The following ZNF700 variants were observed in gnomAD, a reference collection of about 807,000 sequenced individuals.
ZNF700 encodes zinc finger protein 700.
A neutral mutation model predicts 65.3 loss-of-function variants in ZNF700; 38 were observed. The observed-to-expected ratio is 0.58, with a 90% CI of 0.45 to 0.76. The LOEUF (loss-of-function observed/expected upper bound fraction) is 0.76, where lower values mean the gene tolerates loss of function less well. Among genes scored for constraint, ZNF700 ranks in the 30% least tolerant of loss-of-function variants. ZNF700 has a pLI of 0.00. For missense variants in ZNF700, 857 were observed against 888.4 expected (o/e 0.96, Z 0.45); for synonymous variants, 285 against 290.4 (o/e 0.98, Z 0.19).
At chr19:11,934,801 C>T (rs1972764791) in intron 1 of ZNF700, among the ~76,000 whole-genome samples, 1 of 148,082 alleles carries the variant, frequency 6.8e-6, no homozygotes, top group Non-Finnish European at 1.5e-5. Flanking sequence ...TGCTGGATTA[C>T]AGGCGTGAGC....
At chr19:11,947,493 T>A in intron 2 of ZNF700, 21 bp from the exon 3 acceptor site, 2 of 1,611,492 alleles carry the variant, frequency 1.2e-6, no homozygotes, top group Non-Finnish European at 1.7e-6. Flanking sequence ...TCAGGACTAT[T>A]TTTCTGTGTC....
At chr19:11,934,970 G>GGAA (rs1972768418) in intron 1 of ZNF700, among the ~76,000 whole-genome samples, 1 of 146,948 alleles carries the variant, frequency 6.8e-6, no homozygotes. Context: ...CAGGAGGTCA[G>GGAA]ATCAAGACCA....
At chr19:11,931,011 A>AC (rs1328914553) in intron 1 of ZNF700, among the ~76,000 whole-genome samples, 1 of 147,718 alleles carries the variant, frequency 6.8e-6, no homozygotes, top group Non-Finnish European at 1.5e-5. Flanking sequence ...AAAAAAAAAA[A>AC]AACAACATAG....
chr19:11,935,215 T>C (rs1427756593), intron 1 of ZNF700, among the ~76,000 whole-genome samples: 1 of 142,244 alleles, frequency 7.0e-6, no homozygotes, highest in Non-Finnish European at 1.5e-5. Flanking sequence ...TGTGGGGAGG[T>C]ATACTTGGAA....
chr19:11,949,832 GT>G lies in ZNF700; in HGVS notation c.1809del (p.Cys603TrpfsTer218). On this transcript the variant is annotated frameshift_variant, in exon 4 of 4. Transcript: ENST00000254321. LOFTEE classifies it high-confidence loss of function. ...AAGCAATGTGGGAAAGCCTTCAGTTGTGCCTCAAACCTTCGAAAGCATGGTA... is the reference window on the plus strand; with the variant it reads ...AAGCAATGTGGGAAAGCCTTCAGTTGGCCTCAAACCTTCGAAAGCATGGTA... ...ECKQCGKAFS[C>X]ASNLRKHGRT... The G allele has an allele frequency of 6.2e-7, 1 of 1,605,450 alleles. No individual in the cohort carries two copies. The highest frequency in any genetic ancestry group is 1.1e-5 in the South Asian group (1 of 90,676).
At chr19:11,946,251 G>A (rs151086513) in intron 1 of ZNF700, among the ~76,000 whole-genome samples, 13 of 152,170 alleles carry the variant, frequency 8.5e-5, no homozygotes, top group South Asian at 2.1e-4. Context: ...GGTTTCTCCC[G>A]CAGCTTCACA....
intron 1 of ZNF700, among the ~76,000 whole-genome samples, chr19:11,940,672 C>T (rs969947686): frequency 3.3e-5 from 5 of 152,102 alleles, no homozygotes; most frequent in Admixed American, 3.3e-4. Flanking sequence ...TGGAAGGGGA[C>T]CCGAGTGGGT....
intron 3 of ZNF700, 143 bp downstream of exon 3, chr19:11,947,717 T>A (rs1376422907): frequency 1.3e-5 from 11 of 863,540 alleles, no homozygotes; most frequent in Non-Finnish European, 2.0e-5. Context: ...AACATATATT[T>A]AAACGTGACT....
intron 1 of ZNF700, among the ~76,000 whole-genome samples, chr19:11,938,880 A>C (rs928812861): frequency 2.0e-5 from 3 of 152,144 alleles, no homozygotes; most frequent in African/African-American, 7.2e-5. Flanking sequence ...CATCCTCTCC[A>C]GCACCTGTTG....
chr19:11,945,868 T>C (rs1972951219), intron 1 of ZNF700, among the ~76,000 whole-genome samples: 1 of 152,162 alleles, frequency 6.6e-6, no homozygotes, highest in Non-Finnish European at 1.5e-5. Flanking sequence ...GTACAAGAAC[T>C]GGTGGATTAC....
Position 11,949,287 on chromosome 19 carries a change from G to A in ZNF700, c.1263G>A (p.Lys421=), listed in dbSNP as rs757464394. The change falls in exon 4 of 4, where the codon AAG becomes AAA. Residue 421 remains lysine (K), a synonymous_variant. Coordinates refer to ENST00000254321, the MANE Select transcript of ZNF700 (RefSeq NM_144566.3). The stretch of plus-strand genomic sequence containing the variant: ...CTGGAGAGAAACCCTATGAGTGTAA[G>A]CAGTGTGGGAAAGCCTTCAGATCTG... ...IHTGEKPYEC[K]QCGKAFRSAS... The A allele has an allele frequency of 4.3e-6, 7 of 1,613,784 alleles. No individual in the cohort carries two copies. Among genetic ancestry groups the A allele is most frequent in the Middle Eastern group, 1.7e-4 (1 of 6,058 alleles).
At chr19:11,925,380 T>G in intron 1 of ZNF700, 107 bp downstream of exon 1, 1 of 1,527,680 alleles carries the variant, frequency 6.5e-7, no homozygotes, top group Non-Finnish European at 8.9e-7. Context: ...CTCCGGGGTC[T>G]GGGACCGAGT....
chr19:11,949,254 G>C lies in ZNF700; in HGVS notation c.1230G>C (p.Arg410Ser), dbSNP rs923813493. 1 of 1,613,902 alleles carries C rather than the reference G, an allele frequency of 6.2e-7. No homozygotes were observed. Among genetic ancestry groups the C allele is most frequent in the Non-Finnish European group, 8.5e-7 (1 of 1,179,974 alleles). Residue 410 changes from arginine (R) to serine (S), a missense_variant, in exon 4 of 4, where the codon AGG becomes AGC. Physicochemically the swap from Arg to Ser is moderately radical, Grantham distance 110. Coordinates refer to ENST00000254321, the MANE Select transcript of ZNF700 (RefSeq NM_144566.3). ...CCAGTTCCTTTCGATATCATGAAAG[G>C]ATTCACACTGGAGAGAAACCCTATG... ...NLSSSFRYHE[R>S]IHTGEKPYEC... is the part of the protein sequence containing the mutation.
Position 11,925,255 on chromosome 19 carries a change from A to C in ZNF700, c.45A>C (p.Thr15=), listed in dbSNP as rs1052800815. 1 of 1,612,724 alleles carries C rather than the reference A, an allele frequency of 6.2e-7. No individual in the cohort carries two copies. The highest frequency in any genetic ancestry group is 1.3e-5 in the African/African-American group (1 of 75,002). ...SHRSCREDPG[T]SESREMDPVA... is the part of the protein sequence containing the mutation. The stretch of plus-strand genomic sequence containing the variant: ...GGAGCTGTAGAGAGGACCCCGGTAC[A>C]TCTGAAAGCCGGGAAATGGTGCGTG... Residue 15 remains threonine (T), a synonymous_variant, in exon 1 of 4, where the codon ACA becomes ACC. Transcript: ENST00000254321.
intron 1 of ZNF700, among the ~76,000 whole-genome samples, chr19:11,935,569 A>G (rs892584768): frequency 3.3e-5 from 5 of 151,908 alleles, no homozygotes; most frequent in African/African-American, 1.2e-4. Flanking sequence ...TTTTTCTTAT[A>G]GAATTTTAGG....
chr19:11,943,609 G>T (rs576740185), intron 1 of ZNF700, among the ~76,000 whole-genome samples: 1 of 152,104 alleles, frequency 6.6e-6, no homozygotes, highest in Non-Finnish European at 1.5e-5. Context: ...ACATCAGGTC[G>T]GGCATTTCCT....
chr19:11,925,799 T>G (rs879479007), intron 1 of ZNF700, among the ~76,000 whole-genome samples: 11 of 152,198 alleles, frequency 7.2e-5, no homozygotes, highest in African/African-American at 1.2e-4. Context: ...ATAAAGAAGT[T>G]TATTCAGAGC....
chr19:11,949,684 C>T lies in ZNF700; in HGVS notation c.1660C>T (p.His554Tyr). 1.2e-6 allele frequency: 2 copies of T among 1,613,962 alleles called. No individual in the cohort carries two copies. Among genetic ancestry groups the T allele is most frequent in the Non-Finnish European group, 1.7e-6 (2 of 1,180,012 alleles). Residue 554 changes from histidine to tyrosine, a missense_variant, in exon 4 of 4, where the codon CAT becomes TAT. Transcript: ENST00000254321. ...CAGATGTTGCAATTCCCTTCGATAT[C>T]ATGAAAGGACTCACACTGGAGAGAA... ...AFRCCNSLRY[H>Y]ERTHTGEKPY...
At chr19:11,932,077 C>T (rs1972722058) in intron 1 of ZNF700, among the ~76,000 whole-genome samples, 1 of 146,826 alleles carries the variant, frequency 6.8e-6, no homozygotes, top group East Asian at 1.9e-4. Flanking sequence ...ATCCCAAGAT[C>T]GTGCCATTGC....
Sources: gnomAD v4.1 joint callset for allele counts (sites outside exome capture counted in the v4.1 genomes callset) on GRCh38, gnomAD v4.1.1 for gene constraint, MANE v1.5 for transcripts, NCBI Gene and HGNC (gene_info 2026-07-23, HGNC 2026-07-21) for gene names.